The following SLC35F1 variants were observed in gnomAD, a reference collection of about 807,000 sequenced individuals.
The protein encoded by SLC35F1 is chromosome 6 open reading frame 169.
Under a neutral mutation model 48.7 loss-of-function variants are expected in SLC35F1, and 14 were observed. The ratio of observed to expected loss-of-function variants is 0.29; its 90% CI spans 0.19 to 0.45. The LOEUF is 0.45. Among genes scored for constraint, SLC35F1 ranks in the 20% least tolerant of loss-of-function variants. The pLI is 1.00. For missense variants in SLC35F1, 404 were observed against 500.0 expected (o/e 0.81, Z 1.83); for synonymous variants, 190 against 202.2 (o/e 0.94, Z 0.51).
At chr6:118,061,843 T>C (rs1365932578) in intron 1 of SLC35F1, among the ~76,000 whole-genome samples, 2 of 152,040 alleles carry the variant, frequency 1.3e-5, no homozygotes, top group East Asian at 3.9e-4. Context: ...CATGCGCAGT[T>C]CACAATAGAG....
chr6:118,133,208 C>A (rs1385672710), intron 1 of SLC35F1, among the ~76,000 whole-genome samples: 1 of 152,010 alleles, frequency 6.6e-6, no homozygotes, highest in Non-Finnish European at 1.5e-5. Flanking sequence ...AGGATCTTGT[C>A]CACAGAGCTC....
At chr6:118,268,584 GTA>G (rs1183493675) in intron 4 of SLC35F1, among the ~76,000 whole-genome samples, 125 of 67,272 alleles carry the variant, frequency 1.9e-3, no homozygotes, top group South Asian at 3.8e-3. Flanking sequence ...TCATATATAT[GTA>G]TATATATATA....
intron 1 of SLC35F1, among the ~76,000 whole-genome samples, chr6:117,995,254 G>A (rs1410087844): frequency 2.0e-5 from 3 of 152,130 alleles, no homozygotes; most frequent in Admixed American, 2.0e-4. Flanking sequence ...TTATAAAGCT[G>A]AGCATGTATT....
intron 1 of SLC35F1, among the ~76,000 whole-genome samples, chr6:118,154,142 G>T (rs1218940445): frequency 6.6e-6 from 1 of 152,120 alleles, no homozygotes; most frequent in Non-Finnish European, 1.5e-5. Flanking sequence ...TTGGCACCCA[G>T]AGGTCAGTAG....
chr6:118,157,050 T>A (rs973451040), intron 2 of SLC35F1, among the ~76,000 whole-genome samples: 1 of 152,216 alleles, frequency 6.6e-6, no homozygotes, highest in African/African-American at 2.4e-5. Context: ...CCACTATGTA[T>A]GTAAATTATC....
At chr6:118,208,121 G>T (rs1225440195) in intron 2 of SLC35F1, among the ~76,000 whole-genome samples, 1 of 108,472 alleles carries the variant, frequency 9.2e-6, no homozygotes, top group Non-Finnish European at 2.0e-5. Context: ...GCGCGCGCGC[G>T]ATCACACACA....
intron 1 of SLC35F1, among the ~76,000 whole-genome samples, chr6:117,923,573 A>G (rs1170205704): frequency 8.9e-6 from 1 of 112,856 alleles, no homozygotes; most frequent in Non-Finnish European, 1.9e-5. Context: ...ATACAAATAC[A>G]TATGTGTGTG....
chr6:118,156,289 A>G (rs1774139752), intron 2 of SLC35F1, among the ~76,000 whole-genome samples: 1 of 152,190 alleles, frequency 6.6e-6, no homozygotes, highest in African/African-American at 2.4e-5. Flanking sequence ...TCTGAGCCAA[A>G]TATGAGTGAC....
chr6:118,251,587 T>C (rs1416379839), intron 3 of SLC35F1, among the ~76,000 whole-genome samples: 1 of 152,160 alleles, frequency 6.6e-6, no homozygotes, highest in Non-Finnish European at 1.5e-5. Context: ...GAGTTTCTAC[T>C]GTAGGAATAG....
intron 1 of SLC35F1, among the ~76,000 whole-genome samples, chr6:118,094,321 A>C (rs1175537385): frequency 6.6e-6 from 1 of 152,176 alleles, no homozygotes; most frequent in Non-Finnish European, 1.5e-5. Flanking sequence ...TGGGTTTGTA[A>C]AGTATGTGAT....
At chr6:117,923,493 TA>T (rs1211572124) in intron 1 of SLC35F1, among the ~76,000 whole-genome samples, 2 of 30,980 alleles carry the variant, frequency 6.5e-5, no homozygotes, top group Admixed American at 1.1e-3. Flanking sequence ...TATATATATA[TA>T]AAATATATAT....
At chr6:117,947,327 A>C (rs1306274133) in intron 1 of SLC35F1, among the ~76,000 whole-genome samples, 4 of 152,184 alleles carry the variant, frequency 2.6e-5, no homozygotes, top group Non-Finnish European at 5.9e-5. Flanking sequence ...CTGGGAGGAC[A>C]GTGAGAAATG....
At chr6:118,282,000 G>T (rs559901195) in intron 6 of SLC35F1, among the ~76,000 whole-genome samples, 16 of 152,320 alleles carry the variant, frequency 1.1e-4, no homozygotes, top group South Asian at 4.1e-4. Context: ...AATCACTTTA[G>T]TGCATAAGGA....
At chr6:117,923,683 A>ACGTATACG (rs1562238759) in intron 1 of SLC35F1, among the ~76,000 whole-genome samples, 3 of 6,992 alleles carry the variant, frequency 4.3e-4, no homozygotes, top group African/African-American at 5.3e-4. Context: ...ATGTACATAT[A>ACGTATACG]TACATATGTA....
At chr6:117,987,983 C>T (rs938537559) in intron 1 of SLC35F1, among the ~76,000 whole-genome samples, 6 of 152,050 alleles carry the variant, frequency 3.9e-5, no homozygotes, top group African/African-American at 9.7e-5. Context: ...CAGCGGTGGG[C>T]CATTCATAAA....
chr6:118,054,992 G>T (rs1772443582), intron 1 of SLC35F1, among the ~76,000 whole-genome samples: 1 of 152,118 alleles, frequency 6.6e-6, no homozygotes, highest in African/African-American at 2.4e-5. Context: ...GGCCAGGATG[G>T]TCTCGATCTC....
chr6:118,200,985 A>C (rs995866128), intron 2 of SLC35F1, among the ~76,000 whole-genome samples: 1 of 152,094 alleles, frequency 6.6e-6, no homozygotes, highest in Non-Finnish European at 1.5e-5. Context: ...TCCTGAGCTC[A>C]AGCAATCTTC....
Position 118,184,728 on chromosome 6 carries a change from T to A in SLC35F1, c.349+30108T>A, listed in dbSNP as rs375058771. On this transcript the variant is annotated intron_variant, in intron 2 of 7. Transcript: ENST00000360388. Reference sequence around the variant, plus strand: ...GTGTGTGATGTCTGTGGGTTTGAACTTCGGGGCACATCCAGATATGTAGGA... The same window carrying A: ...GTGTGTGATGTCTGTGGGTTTGAACATCGGGGCACATCCAGATATGTAGGA... 6.6e-5 allele frequency among the ~76,000 whole-genome samples: 10 copies of A among 152,206 alleles called. No individual in the cohort carries two copies. The East Asian group carries it at 1.9e-3, about 29-fold the overall frequency.
chr6:118,124,329 G>C (rs932056101), intron 1 of SLC35F1, among the ~76,000 whole-genome samples: 1 of 151,962 alleles, frequency 6.6e-6, no homozygotes, highest in Non-Finnish European at 1.5e-5. Flanking sequence ...TACCCTTTAG[G>C]CTCAAAGGCA....
Sources: allele counts gnomAD v4.1 joint callset (sites outside exome capture counted in the v4.1 genomes callset), GRCh38; gene constraint gnomAD v4.1.1; transcripts MANE v1.5; gene names NCBI Gene and HGNC (gene_info 2026-07-23, HGNC 2026-07-21).